Variants in PTPRR observed in about 807,000 individuals in gnomAD.
PTPRR encodes the protein receptor-type tyrosine-protein phosphatase R.
A neutral mutation model predicts 77.2 loss-of-function variants in PTPRR; 38 were observed. That is an observed-to-expected ratio of 0.49 (90% CI 0.38 to 0.65). The LOEUF is 0.65. Ranked by LOEUF, PTPRR falls within the 30% of genes least tolerant of loss-of-function variation. PTPRR has a pLI of 0.00. For missense variants in PTPRR, 744 were observed against 799.2 expected (o/e 0.93, Z 0.83); for synonymous variants, 299 against 283.1 (o/e 1.06, Z -0.57).
At chr12:70,714,704 A>T (rs1888954967) in intron 6 of PTPRR, among the ~76,000 whole-genome samples, 1 of 152,174 alleles carries the variant, frequency 6.6e-6, no homozygotes, top group Admixed American at 6.5e-5. Flanking sequence ...TCTCCTATAG[A>T]CCAGGTGCAG....
intron 1 of PTPRR, among the ~76,000 whole-genome samples, chr12:70,893,214 C>A (rs143799000): frequency 1.3e-4 from 20 of 152,054 alleles, no homozygotes; most frequent in African/African-American, 4.8e-4. Context: ...TGAAAAAGTT[C>A]TATTTTTCAG....
intron 4 of PTPRR, among the ~76,000 whole-genome samples, chr12:70,759,558 G>A (rs1288563327): frequency 6.6e-6 from 1 of 151,716 alleles, no homozygotes; most frequent in Non-Finnish European, 1.5e-5. Context: ...GCAGGCGCCT[G>A]TAGTCCCAGC....
chr12:70,888,383 C>T (rs913427599), intron 2 of PTPRR, among the ~76,000 whole-genome samples: 1 of 152,160 alleles, frequency 6.6e-6, no homozygotes, highest in Non-Finnish European at 1.5e-5. Context: ...CCTTATCATT[C>T]TTTAATTTCT....
chr12:70,815,402 G>C (rs12313554), intron 2 of PTPRR, among the ~76,000 whole-genome samples: 1,631 of 152,124 alleles, frequency 0.011, 16 homozygotes, highest in Middle Eastern at 0.027. Flanking sequence ...AAGACATAAT[G>C]GATGAAAAAT....
intron 13 of PTPRR, among the ~76,000 whole-genome samples, chr12:70,648,882 A>T (rs922152179): frequency 2.7e-4 from 41 of 152,304 alleles, no homozygotes; most frequent in Non-Finnish European, 4.9e-4. Context: ...TTGGAAAAAA[A>T]AAAAGAAATC....
chr12:70,756,201 CTGTTT>C (rs1002898000), intron 4 of PTPRR, among the ~76,000 whole-genome samples: 1 of 151,982 alleles, frequency 6.6e-6, no homozygotes, highest in African/African-American at 2.4e-5. Context: ...TAAGACAAAC[CTGTTT>C]TGTTTTCTTT....
At chr12:70,732,214 A>G (rs542360069) in intron 6 of PTPRR, among the ~76,000 whole-genome samples, 1 of 152,366 alleles carries the variant, frequency 6.6e-6, no homozygotes, top group East Asian at 1.9e-4. Context: ...TTTTTGATTA[A>G]GGTGGGTTTA....
At chr12:70,687,629 A>G (rs1023316065) in intron 8 of PTPRR, among the ~76,000 whole-genome samples, 2 of 152,138 alleles carry the variant, frequency 1.3e-5, no homozygotes, top group Admixed American at 6.6e-5. Flanking sequence ...GTTTGAACCA[A>G]AACACTTTGC....
At chr12:70,811,430 G>A (rs181256150) in intron 2 of PTPRR, among the ~76,000 whole-genome samples, 38 of 152,206 alleles carry the variant, frequency 2.5e-4, no homozygotes, top group East Asian at 1.9e-3. Context: ...ATGCTTTGGC[G>A]GTTTTCTGAG....
intron 2 of PTPRR, among the ~76,000 whole-genome samples, chr12:70,771,223 T>TAAAAAATG (rs976475177): frequency 5.9e-5 from 9 of 151,840 alleles, no homozygotes; most frequent in African/African-American, 1.9e-4. Flanking sequence ...TATGCAGCCA[T>TAAAAAATG]AAAAAATGAA....
At chr12:70,901,445 A>T (rs1893533032) in intron 1 of PTPRR, among the ~76,000 whole-genome samples, 1 of 151,792 alleles carries the variant, frequency 6.6e-6, no homozygotes, top group Non-Finnish European at 1.5e-5. Flanking sequence ...AGAACCTGGA[A>T]ATAAACCCAA....
At position 70,754,266 on chromosome 12, in the gene PTPRR, T is replaced by G. The variant is rs1228930316; in HGVS notation, c.663A>C (p.Lys221Asn). 1.2e-6 allele frequency: 2 copies of G among 1,613,724 alleles called. No individual in the cohort carries two copies. Among genetic ancestry groups the G allele is most frequent in the East Asian group, 2.2e-5 (1 of 44,892 alleles). ...CATAAAATCCTTCTTTGCTCCAGAT[T>G]TTGTCCGCTTCATGCTGCCCTTGTA... ...NVLQGQHEAD[K>N]IWSKEGFYAV... The change falls in exon 5 of 14, where the codon AAA (lysine) becomes AAC (asparagine). Residue 221 changes from lysine (K) to asparagine (N), a missense_variant. Around this residue, in one of 3 missense-constraint regions of PTPRR, gnomAD observed 570 missense variants for 573.2 expected, o/e 0.99. Coordinates refer to ENST00000283228, the MANE Select transcript of PTPRR (RefSeq NM_002849.4).
chr12:70,672,824 T>C (rs765719523), intron 10 of PTPRR: 240 of 1,563,608 alleles, frequency 1.5e-4, no homozygotes, highest in Non-Finnish European at 1.9e-4. Context: ...CAGTGTGAAA[T>C]TGAAGAACTA....
rs149898375 is a variant in PTPRR, at chr12:70,853,824, C to T, written c.357+38855G>A. On this transcript the variant is annotated intron_variant, in intron 2 of 13. Coordinates refer to ENST00000283228, the MANE Select transcript of PTPRR (RefSeq NM_002849.4). ...CTGGTCACATATGTTTGTGAAAAAA[C>T]TTACTATAGATCAATAAGTGGGAAA... is the stretch of plus-strand genomic sequence containing the variant. Among the ~76,000 whole-genome samples, 362 of 152,290 alleles carry T rather than the reference C, an allele frequency of 2.4e-3. 2 individuals are homozygous for T. The highest frequency in any genetic ancestry group is 0.01 in the Middle Eastern group (3 of 294).
In PTPRR at chr12:70,661,043, G is replaced by A. The variant is rs1041809938; in HGVS notation, c.1663C>T (p.His555Tyr). The A allele has an allele frequency of 6.2e-7, 1 of 1,613,410 alleles. No individual in the cohort carries two copies. ...KHYWYTSWPD[H>Y]KTPDSAQPLL... ...GGCTGGGCACTGTCTGGAGTCTTGT[G>A]ATCAGGCCATGAGGTGTACCAGTAA... The change falls in exon 12 of 14, where the codon CAC (histidine) becomes TAC (tyrosine). Residue 555 changes from histidine to tyrosine, a missense_variant. This residue lies in a region of PTPRR where 170 missense variants were observed against 209.8 expected (regional missense o/e 0.81). Coordinates refer to ENST00000283228, the MANE Select transcript of PTPRR (RefSeq NM_002849.4).
intron 13 of PTPRR, among the ~76,000 whole-genome samples, chr12:70,648,344 G>A (rs1886275102): frequency 6.6e-6 from 1 of 152,124 alleles, no homozygotes; most frequent in South Asian, 2.1e-4. Flanking sequence ...CTCAAAGAAA[G>A]CAAGAGCTGA....
intron 1 of PTPRR, among the ~76,000 whole-genome samples, chr12:70,895,149 C>A (rs538393631): frequency 6.6e-6 from 1 of 151,540 alleles, no homozygotes; most frequent in African/African-American, 2.4e-5. Flanking sequence ...TCACACAAGG[C>A]TTGATGGAAA....
At chr12:70,856,110 C>T (rs1368060440) in intron 2 of PTPRR, among the ~76,000 whole-genome samples, 1 of 152,108 alleles carries the variant, frequency 6.6e-6, no homozygotes, top group Non-Finnish European at 1.5e-5. Flanking sequence ...GGACTCAATT[C>T]ACTCACTCAC....
chr12:70,779,440 G>A (rs1565693995), intron 2 of PTPRR, among the ~76,000 whole-genome samples: 1 of 152,066 alleles, frequency 6.6e-6, no homozygotes, highest in Admixed American at 6.5e-5. Flanking sequence ...TTATTGGGTG[G>A]TGCCTCCTTC....
Sources: allele counts gnomAD v4.1 joint callset (sites outside exome capture counted in the v4.1 genomes callset), GRCh38; gene constraint gnomAD v4.1.1; regional missense constraint gnomAD v4.1.1; transcripts MANE v1.5; gene names NCBI Gene and HGNC (gene_info 2026-07-23, HGNC 2026-07-21).